GRM3: variants seen among roughly 807,000 people sequenced by gnomAD.
GRM3 encodes the protein metabotropic glutamate receptor 3.
In GRM3, 26 loss-of-function variants were observed where a neutral mutation model predicts 70.5. The ratio of observed to expected loss-of-function variants is 0.37; its 90% CI spans 0.27 to 0.51. The LOEUF (loss-of-function observed/expected upper bound fraction) is 0.51, where lower values mean the gene tolerates loss of function less well. Among genes scored for constraint, GRM3 ranks in the 20% least tolerant of loss-of-function variants. The pLI is 0.93. For missense variants in GRM3, 859 were observed against 1,123.8 expected, an observed-to-expected ratio of 0.76 and a Z score of 3.37; for synonymous variants, 443 against 434.9, an observed-to-expected ratio of 1.02 and a Z score of -0.23.
chr7:86,767,592 A>G (rs1318389860), intron 2 of GRM3, among the ~76,000 whole-genome samples: 1 of 148,256 alleles, frequency 6.7e-6, no homozygotes, highest in Non-Finnish European at 1.5e-5. Flanking sequence ...ATATGTGTAT[A>G]TATATAGTCT....
chr7:86,707,314 C>T (rs943169947), intron 1 of GRM3, among the ~76,000 whole-genome samples: 3 of 152,158 alleles, frequency 2.0e-5, no homozygotes, highest in Admixed American at 6.6e-5. Flanking sequence ...TGAACTTAGG[C>T]AGCTTGCTAA....
At chr7:86,863,396 G>A (rs986121267) in intron 5 of GRM3, among the ~76,000 whole-genome samples, 1 of 152,066 alleles carries the variant, frequency 6.6e-6, no homozygotes, top group African/African-American at 2.4e-5. Context: ...GCACAAACTG[G>A]GTGTCTTAAA....
chr7:86,786,205 T>C lies in GRM3; in HGVS notation c.469-56T>C. The C allele has an allele frequency of 6.8e-7, 1 of 1,468,686 alleles. No homozygotes were observed. The highest frequency in any genetic ancestry group is 1.3e-5 in the South Asian group (1 of 77,638). 91.0% of individuals were successfully genotyped at this position (1,468,686 alleles called of 1,614,324 possible). A position where few individuals can be genotyped will look rare whatever the true frequency, so the allele number is the denominator to read the frequency against. On this transcript the variant is annotated intron_variant, in intron 2 of 5. Transcript: ENST00000361669. This position sits in a 1 kb window ranked among gnomAD's most constrained non-coding sequence, Gnocchi z 6.0. ...GTGTGGATGCTATTATTCATTTTCA[T>C]GTCCAGTCATCTACCTCGGGGTTTC...
chr7:86,691,690 T>C (rs1272350465), intron 1 of GRM3, among the ~76,000 whole-genome samples: 5 of 152,172 alleles, frequency 3.3e-5, no homozygotes, highest in East Asian at 3.9e-4. Context: ...GTAGATTTGT[T>C]ATCACAGGAG....
chr7:86,738,458 A>G (rs1244224270), intron 1 of GRM3, among the ~76,000 whole-genome samples: 1 of 152,240 alleles, frequency 6.6e-6, no homozygotes, highest in African/African-American at 2.4e-5. Context: ...AGCACTTGGA[A>G]GTCAAATATA....
chr7:86,855,981 A>G (rs1798838358), intron 5 of GRM3, among the ~76,000 whole-genome samples: 1 of 152,212 alleles, frequency 6.6e-6, no homozygotes, highest in South Asian at 2.1e-4. Context: ...GGTAATACAA[A>G]CTGAATTGAT....
Position 86,765,483 on chromosome 7 carries a change from T to C in GRM3, c.338T>C (p.Val113Ala). The C allele has an allele frequency of 6.2e-7, 1 of 1,613,942 alleles. No individual in the cohort carries two copies. Among genetic ancestry groups the C allele is most frequent in the Non-Finnish European group, 8.5e-7 (1 of 1,179,888 alleles). ...TYALEQSLEFVRASLTKVDEA... is the reference protein window; with the variant it reads ...TYALEQSLEFARASLTKVDEA... ...GCATTGGAGCAATCACTGGAGTTTG[T>C]CAGGGCATCTTTGACAAAAGTGGAT... The change falls in exon 2 of 6, where the codon GTC becomes GCC. Residue 113 changes from valine (V) to alanine (A), a missense_variant. Physicochemically the swap from Val to Ala is moderately conservative, Grantham distance 64. Transcript: ENST00000361669.
At position 86,749,552 on chromosome 7, in the gene GRM3, G is replaced by A. The variant is rs78530347; in HGVS notation, c.-140-15454G>A. ...CACGGCCTTGATGAGAAGGCTAATG[G>A]ATGCCAGATGTGGAAACAAATTCAT... On this transcript the variant is annotated intron_variant, in intron 1 of 5. Coordinates refer to ENST00000361669, the MANE Select transcript of GRM3 (RefSeq NM_000840.3). Among the ~76,000 whole-genome samples the A allele has an allele frequency of 8.8e-3, 1,337 of 152,172 alleles. 16 individuals are homozygous for A. Among genetic ancestry groups the A allele is most frequent in the African/African-American group, 0.031 (1,274 of 41,526 alleles).
At chr7:86,784,189 C>G in intron 2 of GRM3, 1 of 151,810 alleles carries the variant, frequency 6.6e-6, no homozygotes, top group East Asian at 1.9e-4. Flanking sequence ...AGACATGAAG[C>G]CTATCATTGA....
intron 1 of GRM3, among the ~76,000 whole-genome samples, chr7:86,734,890 T>TA (rs1562842852): frequency 6.6e-6 from 1 of 152,164 alleles, no homozygotes; most frequent in African/African-American, 2.4e-5. Flanking sequence ...GCACCCCAAT[T>TA]TTTTTCTACT....
intron 1 of GRM3, among the ~76,000 whole-genome samples, chr7:86,737,748 T>A (rs539156620): frequency 6.6e-6 from 1 of 152,320 alleles, no homozygotes; most frequent in South Asian, 2.1e-4. Context: ...TAAGGATTTA[T>A]ATAGCCTCTG....
chr7:86,845,233 C>G, intron 4 of GRM3, among the ~76,000 whole-genome samples: 1 of 152,128 alleles, frequency 6.6e-6, no homozygotes, highest in East Asian at 1.9e-4. Flanking sequence ...GCTAGGACAC[C>G]TGCATAAGCA....
intron 3 of GRM3, among the ~76,000 whole-genome samples, chr7:86,816,216 T>C (rs952089355): frequency 2.0e-5 from 3 of 151,866 alleles, no homozygotes; most frequent in Non-Finnish European, 2.9e-5. Flanking sequence ...AAGAAAAATA[T>C]AGTGCTTCCC....
In GRM3 at chr7:86,858,114, G is replaced by A. The variant is rs142182607; in HGVS notation, c.2567-6168G>A. Among the ~76,000 whole-genome samples, 318 of 151,764 alleles carry A rather than the reference G, an allele frequency of 2.1e-3. 5 individuals carry two copies. In the East Asian group the frequency reaches 0.051, roughly 24 times the overall value. On this transcript the variant is annotated intron_variant, in intron 5 of 5. Transcript: ENST00000361669. ...TGGGACTACAGGCACCCGCCACCAC[G>A]CACGGCTAATTTTTTGTATTTTTAG...
intron 1 of GRM3, among the ~76,000 whole-genome samples, chr7:86,656,821 A>G (rs1300221742): frequency 1.3e-5 from 2 of 152,148 alleles, no homozygotes; most frequent in African/African-American, 4.8e-5. Context: ...CTACCTGTAT[A>G]AAGACTTATA....
At chr7:86,673,127 A>G (rs1794214692) in intron 1 of GRM3, among the ~76,000 whole-genome samples, 1 of 152,134 alleles carries the variant, frequency 6.6e-6, no homozygotes, top group African/African-American at 2.4e-5. Flanking sequence ...TCATATTTCC[A>G]TATTGGTATC....
chr7:86,780,715 C>G (rs1320834563), intron 2 of GRM3, among the ~76,000 whole-genome samples: 1 of 152,100 alleles, frequency 6.6e-6, no homozygotes, highest in African/African-American at 2.4e-5. Flanking sequence ...GCTTTCATTG[C>G]CCCCGTGGAA....
Position 86,786,034 on chromosome 7 carries a change from C to T in GRM3, c.469-227C>T. ...GTGCCCTTCTCATTTCTCTACTCTG[C>T]CCTTTCCTGAAGCACACACTACCTG... is the stretch of plus-strand genomic sequence containing the variant. On this transcript the variant is annotated intron_variant, in intron 2 of 5. Coordinates refer to ENST00000361669, the MANE Select transcript of GRM3 (RefSeq NM_000840.3). This position sits in a 1 kb window ranked among gnomAD's most constrained non-coding sequence, Gnocchi z 6.0. The T allele has an allele frequency of 1.8e-6, 1 of 541,088 alleles. No homozygotes were observed. Among genetic ancestry groups the T allele is most frequent in the South Asian group, 2.0e-5 (1 of 49,584 alleles). The allele number at this position is 541,088 out of a possible 1,614,324, so 33.5% of individuals were successfully genotyped here.
chr7:86,700,054 A>G lies in GRM3; in HGVS notation c.-141+55182A>G, dbSNP rs543981949. Among the ~76,000 whole-genome samples the G allele has an allele frequency of 3.3e-5, 5 of 152,086 alleles. No homozygotes were observed. The East Asian group carries it at 5.8e-4, about 18-fold the overall frequency. ...TTTCCACAGTCCAGAGGCTGGTAATATTCCTCAGATATTTCCAGCACATTG... is the reference window on the plus strand; with the variant it reads ...TTTCCACAGTCCAGAGGCTGGTAATGTTCCTCAGATATTTCCAGCACATTG... On this transcript the variant is annotated intron_variant, in intron 1 of 5. Transcript: ENST00000361669.
Sources: gnomAD v4.1 joint callset for allele counts (sites outside exome capture counted in the v4.1 genomes callset) on GRCh38, gnomAD v4.1.1 for gene constraint, Gnocchi (gnomAD v3.1) non-coding constraint, MANE v1.5 for transcripts, NCBI Gene and HGNC (gene_info 2026-07-23, HGNC 2026-07-21) for gene names.